GAB2: variants seen among roughly 807,000 people sequenced by gnomAD.
GAB2 encodes the protein GRB2 associated binding protein 2.
In GAB2, 26 loss-of-function variants were observed where a neutral mutation model predicts 65.5. The ratio of observed to expected loss-of-function variants is 0.40; its 90% CI spans 0.29 to 0.55. GAB2 has a LOEUF of 0.55. GAB2 is among the 20% of genes least tolerant of loss of function. GAB2 has a pLI of 0.53. For synonymous variants in GAB2, 321 were observed against 329.6 expected, an observed-to-expected ratio of 0.97 and a Z score of 0.28; for missense variants, 884 against 875.8, an observed-to-expected ratio of 1.01 and a Z score of -0.12.
intron 1 of GAB2, among the ~76,000 whole-genome samples, chr11:78,412,067 T>C (rs1348505579): frequency 6.8e-6 from 1 of 146,200 alleles, no homozygotes; most frequent in African/African-American, 2.7e-5. Context: ...ACAAAGAGAA[T>C]CACTTGAACC....
chr11:78,295,805 A>C (rs1294087053), intron 1 of GAB2, among the ~76,000 whole-genome samples: 1 of 152,140 alleles, frequency 6.6e-6, no homozygotes, highest in Non-Finnish European at 1.5e-5. Context: ...AAACTGCTGG[A>C]GGGAGAACTT....
At chr11:78,375,770 T>C (rs1856624508) in intron 1 of GAB2, among the ~76,000 whole-genome samples, 1 of 152,174 alleles carries the variant, frequency 6.6e-6, no homozygotes, top group African/African-American at 2.4e-5. Context: ...GACTAATAAG[T>C]TACAGAGTGC....
intron 3 of GAB2, among the ~76,000 whole-genome samples, chr11:78,227,631 C>CAAAAAAAAAAAAAAAAAA (rs55716895): frequency 1.9e-4 from 20 of 106,096 alleles, no homozygotes; most frequent in African/African-American, 5.1e-4. Flanking sequence ...CCATTGCCAC[C>CAAAAAAAAAAAAAAAAAA]AAAAAAAAAA....
rs970794503 is a variant in GAB2, at chr11:78,410,135, C to T, written c.75+7511G>A. Among the ~76,000 whole-genome samples the T allele has an allele frequency of 2.0e-5, 3 of 152,128 alleles. No homozygotes were observed. In the South Asian group the frequency reaches 6.2e-4, roughly 31 times the overall value. On this transcript the variant is annotated intron_variant, in intron 1 of 9. Coordinates refer to ENST00000361507, the MANE Select transcript of GAB2 (RefSeq NM_080491.3). ...TTAGTGGGACACAGCTAAAGCAGTG[C>T]TGAGAGGGAAATTCATAGCAGTAAA...
At chr11:78,313,004 A>T (rs1855532576) in intron 1 of GAB2, among the ~76,000 whole-genome samples, 1 of 152,146 alleles carries the variant, frequency 6.6e-6, no homozygotes, top group Non-Finnish European at 1.5e-5. Flanking sequence ...GTTTCATGTT[A>T]ATTCTTAGAG....
chr11:78,332,661 G>T (rs79090827), intron 1 of GAB2, among the ~76,000 whole-genome samples: 2 of 152,310 alleles, frequency 1.3e-5, no homozygotes, highest in East Asian at 3.9e-4. Flanking sequence ...ATGGCATGCA[G>T]GAAATTTATC....
chr11:78,355,034 C>G (rs1224701145), intron 1 of GAB2, among the ~76,000 whole-genome samples: 1 of 152,210 alleles, frequency 6.6e-6, no homozygotes, highest in Non-Finnish European at 1.5e-5. Context: ...GGCAAACCAC[C>G]TTTATGACAT....
intron 1 of GAB2, among the ~76,000 whole-genome samples, chr11:78,396,048 C>G (rs1279929161): frequency 6.6e-6 from 1 of 152,140 alleles, no homozygotes; most frequent in South Asian, 2.1e-4. Flanking sequence ...GAATGCTGAT[C>G]CTTGATTGCC....
At chr11:78,412,096 C>T (rs1857137486) in intron 1 of GAB2, among the ~76,000 whole-genome samples, 1 of 151,170 alleles carries the variant, frequency 6.6e-6, no homozygotes. Flanking sequence ...CGAGATCATG[C>T]CATTGCACTC....
chr11:78,220,278 C>A (rs1470956307), intron 9 of GAB2, 41 bp downstream of exon 9: 2 of 1,609,474 alleles, frequency 1.2e-6, no homozygotes, highest in South Asian at 2.2e-5. Context: ...CCTCCGGGAC[C>A]CTGAGAGCTC....
intron 1 of GAB2, among the ~76,000 whole-genome samples, chr11:78,346,674 C>CATATATATAT (rs71046967): frequency 5.5e-4 from 30 of 54,884 alleles, no homozygotes; most frequent in African/African-American, 5.7e-4. Flanking sequence ...ACATCCCCTC[C>CATATATATAT]ATATATATAT....
intron 1 of GAB2, among the ~76,000 whole-genome samples, chr11:78,395,834 T>C (rs2083277621): frequency 6.6e-6 from 1 of 152,230 alleles, no homozygotes. Flanking sequence ...ATGGGAGGTT[T>C]AGTTTGGATT....
intron 1 of GAB2, among the ~76,000 whole-genome samples, chr11:78,312,306 C>T (rs1855516738): frequency 6.6e-6 from 1 of 152,112 alleles, no homozygotes; most frequent in African/African-American, 2.4e-5. Flanking sequence ...ACCACCACCA[C>T]CACCACAACA....
intron 1 of GAB2, chr11:78,341,985 C>A: frequency 1.8e-6 from 1 of 550,638 alleles, no homozygotes; most frequent in Non-Finnish European, 2.3e-6. Context: ...GTGTTGTGTT[C>A]CCCTCCCTAT....
chr11:78,280,676 T>C lies in GAB2; in HGVS notation c.301A>G (p.Thr101Ala), dbSNP rs1172558522. ...ACCCACTTATTCATGTCCTCTTCTG[T>C]CTCAGCCACCAGGTAAAAGGTGCGT... The part of the protein sequence containing the change: ...SERTFYLVAE[T>A]EEDMNKWVQS... Residue 101 changes from threonine (T) to alanine (A), a missense_variant, in exon 2 of 10, where the codon ACA becomes GCA. Coordinates refer to ENST00000361507, the MANE Select transcript of GAB2 (RefSeq NM_080491.3). The C allele has an allele frequency of 1.2e-6, 2 of 1,614,102 alleles. No individual in the cohort carries two copies. The highest frequency in any genetic ancestry group is 1.7e-6 in the Non-Finnish European group (2 of 1,179,980).
chr11:78,355,705 G>T (rs1323049155), intron 1 of GAB2, among the ~76,000 whole-genome samples: 1 of 59,840 alleles, frequency 1.7e-5, no homozygotes, highest in African/African-American at 7.0e-5. Context: ...AAAAAAAAAA[G>T]ACCAAGCTCA....
chr11:78,360,035 G>A (rs1432923141), intron 1 of GAB2, among the ~76,000 whole-genome samples: 1 of 152,160 alleles, frequency 6.6e-6, no homozygotes, highest in Non-Finnish European at 1.5e-5. Context: ...CAGACAGAGG[G>A]ACAGAAGAGA....
At chr11:78,286,208 T>G (rs1866477437) in intron 1 of GAB2, among the ~76,000 whole-genome samples, 1 of 152,226 alleles carries the variant, frequency 6.6e-6, no homozygotes, top group African/African-American at 2.4e-5. Context: ...GTAAGTCATG[T>G]AATTTCATGA....
intron 1 of GAB2, among the ~76,000 whole-genome samples, chr11:78,299,746 C>T (rs1315295415): frequency 2.0e-5 from 3 of 152,222 alleles, no homozygotes; most frequent in Non-Finnish European, 2.9e-5. Flanking sequence ...GACTATCTTG[C>T]TCCTGGGAGC....
Sources: gnomAD v4.1 joint callset for allele counts (sites outside exome capture counted in the v4.1 genomes callset) on GRCh38, gnomAD v4.1.1 for gene constraint, MANE v1.5 for transcripts, NCBI Gene and HGNC (gene_info 2026-07-23, HGNC 2026-07-21) for gene names.